Variants in AHCTF1 observed in about 807,000 individuals in gnomAD.
AHCTF1 encodes protein ELYS.
Under a neutral mutation model 248.4 loss-of-function variants are expected in AHCTF1, and 24 were observed. The observed-to-expected ratio is 0.10, with a 90% confidence interval of 0.07 to 0.14. The LOEUF is 0.14. Ranked by LOEUF, AHCTF1 falls within the 10% of genes least tolerant of loss-of-function variation. The pLI is 1.00. For missense variants in AHCTF1, 2,206 were observed against 2,636.2 expected (o/e 0.84, Z 3.57); for synonymous variants, 786 against 929.8 (o/e 0.85, Z 2.81).
intron 5 of AHCTF1, 91 bp downstream of exon 5, chr1:246,907,460 A>T: frequency 8.7e-7 from 1 of 1,149,436 alleles, no homozygotes; most frequent in South Asian, 1.6e-5. Context: ...CCCTTTTCTC[A>T]CTATGCTAAC....
intron 4 of AHCTF1, among the ~76,000 whole-genome samples, chr1:246,908,931 G>C (rs911152618): frequency 1.3e-5 from 2 of 150,554 alleles, no homozygotes; most frequent in African/African-American, 4.9e-5. Context: ...CTTAATGAAT[G>C]AAACAATTAG....
At position 246,842,759 on chromosome 1, in the gene AHCTF1, T is replaced by C. The variant is rs893889902; in HGVS notation, c.6543A>G (p.Ser2181=). 1.9e-6 allele frequency: 3 copies of C among 1,613,532 alleles called. No individual in the cohort carries two copies. The highest frequency in any genetic ancestry group is 1.7e-5 in the Admixed American group (1 of 59,982). ...CTTTTGGCTTTCCCAGAGTTTCTAC[T>C]GATTGTGCATCATCTTTCTATGGGT... The part of the protein sequence containing the change: ...LEDELKDDAQ[S]VETLGKPKAK... The change falls in exon 35 of 36, where the codon TCA becomes TCG. Residue 2181 remains serine (S), a synonymous_variant. Transcript: ENST00000648844.
In AHCTF1 at chr1:246,927,863, C is replaced by T. The variant is rs1348038468; in HGVS notation, c.-8+3715G>A. Among the ~76,000 whole-genome samples, 9 of 140,266 alleles carry T rather than the reference C, an allele frequency of 6.4e-5. 1 individual carries two copies. Among genetic ancestry groups the T allele is most frequent in the African/African-American group, 1.6e-4 (6 of 37,860 alleles). The allele number at this position is 140,266 out of a possible 152,430, so 92.0% of individuals were successfully genotyped here. A position where few individuals can be genotyped will look rare whatever the true frequency, so the allele number is the denominator to read the frequency against. The stretch of plus-strand genomic sequence containing the variant: ...ACTAAAAATACAAAAATTAGCTGGG[C>T]GCGGTAGCGCGCTGTAGTCCCAGCT... On this transcript the variant is annotated intron_variant, in intron 1 of 35. Transcript: ENST00000648844.
At chr1:246,903,188 A>G (rs776540223) in intron 7 of AHCTF1, among the ~76,000 whole-genome samples, 2 of 152,208 alleles carry the variant, frequency 1.3e-5, no homozygotes, top group Admixed American at 6.5e-5. Flanking sequence ...AGTCGGTTCT[A>G]GAGACAGGTA....
chr1:246,890,659 C>G (rs966559553), intron 16 of AHCTF1, among the ~76,000 whole-genome samples: 4 of 152,080 alleles, frequency 2.6e-5, no homozygotes, highest in Non-Finnish European at 5.9e-5. Context: ...TTCTATGGAT[C>G]TAAATAATAG....
At position 246,920,920 on chromosome 1, in the gene AHCTF1, T is replaced by C. The variant is rs201498481; in HGVS notation, c.-7-2543A>G. ...GGCCAACATGGTGAATCCACATCTC[T>C]ACTAATAATACCAAAAAAAAAATCA... On this transcript the variant is annotated intron_variant, in intron 1 of 35. Coordinates refer to ENST00000648844, the MANE Select transcript of AHCTF1 (RefSeq NM_001323342.2). 9.8e-4 allele frequency among the ~76,000 whole-genome samples: 149 copies of C among 151,284 alleles called. 1 individual carries two copies. Among genetic ancestry groups the C allele is most frequent in the Admixed American group, 8.1e-3 (122 of 15,150 alleles).
At chr1:246,871,890 C>A (rs565728376) in intron 24 of AHCTF1, among the ~76,000 whole-genome samples, 1 of 151,936 alleles carries the variant, frequency 6.6e-6, no homozygotes, top group South Asian at 2.1e-4. Flanking sequence ...CCTAAAGACA[C>A]AGCTACTAAA....
intron 33 of AHCTF1, among the ~76,000 whole-genome samples, chr1:246,844,398 G>A (rs2103029721): frequency 1.3e-5 from 2 of 152,264 alleles, no homozygotes; most frequent in Middle Eastern, 3.4e-3. Context: ...ACTTGTTCCA[G>A]CCAAAGGAAC....
chr1:246,850,936 T>C lies in AHCTF1; in HGVS notation c.5070A>G (p.Glu1690=), dbSNP rs1457521050. ...RSKEITSDTM[E]QSIHETIPLV... is the part of the protein sequence containing the mutation. ...AAGGTATTGTTTCATGAATGGACTG[T>C]TCCATTGTATCTGAAGTAATTTCTT... Residue 1690 remains glutamate (E), a synonymous_variant, in exon 33 of 36, where the codon GAA becomes GAG. Transcript: ENST00000648844. The C allele has an allele frequency of 2.5e-6, 4 of 1,613,856 alleles. No homozygotes were observed. In the African/African-American group the frequency reaches 4.0e-5, roughly 16 times the overall value.
intron 13 of AHCTF1, 62 bp from the exon 14 acceptor site, chr1:246,894,810 T>C: frequency 7.0e-7 from 1 of 1,434,748 alleles, no homozygotes; most frequent in Non-Finnish European, 9.7e-7. Flanking sequence ...AGTTCTAAAT[T>C]GTTGGTGGAG....
At chr1:246,845,221 C>CA (rs1660161654) in intron 33 of AHCTF1, among the ~76,000 whole-genome samples, 1 of 151,350 alleles carries the variant, frequency 6.6e-6, no homozygotes, top group South Asian at 2.1e-4. Flanking sequence ...TGTGGGTACA[C>CA]AGTAGGTGTA....
chr1:246,888,359 A>G (rs772291127), intron 18 of AHCTF1, 35 bp downstream of exon 18: 1 of 1,612,680 alleles, frequency 6.2e-7, no homozygotes, highest in South Asian at 1.1e-5. Context: ...CCAGCTTTGT[A>G]GACTCTAAAT....
chr1:246,843,770 AC>A, intron 34 of AHCTF1, 24 bp downstream of exon 34: 1 of 1,353,294 alleles, frequency 7.4e-7, no homozygotes, highest in Non-Finnish European at 9.6e-7. Context: ...TAACAAACAT[AC>A]AAATAAAATC....
At chr1:246,886,004 T>C (rs1443560510) in intron 20 of AHCTF1, among the ~76,000 whole-genome samples, 1 of 151,998 alleles carries the variant, frequency 6.6e-6, no homozygotes, top group African/African-American at 2.4e-5. Context: ...CTGGGCAACA[T>C]GGCAAAACTC....
chr1:246,924,417 T>G lies in AHCTF1; in HGVS notation c.-7-6040A>C, dbSNP rs6694693. Among the ~76,000 whole-genome samples, 850 of 152,282 alleles carry G rather than the reference T, an allele frequency of 5.6e-3. 10 individuals carry two copies. Among genetic ancestry groups the G allele is most frequent in the African/African-American group, 0.02 (816 of 41,568 alleles). On this transcript the variant is annotated intron_variant, in intron 1 of 35. Coordinates refer to ENST00000648844, the MANE Select transcript of AHCTF1 (RefSeq NM_001323342.2). ...TTTTTGTGTGATGCAAATTTGTGATTTGCTCATTTCAGTATGGCTTGGATT... is the reference window on the plus strand; with the variant it reads ...TTTTTGTGTGATGCAAATTTGTGATGTGCTCATTTCAGTATGGCTTGGATT...
At chr1:246,848,338 C>T (rs1332592206) in intron 33 of AHCTF1, among the ~76,000 whole-genome samples, 3 of 151,772 alleles carry the variant, frequency 2.0e-5, no homozygotes, top group East Asian at 2.0e-4. Context: ...CTCAGTCTCC[C>T]GAGTAGCTGG....
At chr1:246,892,283 A>G (rs1363881865) in intron 14 of AHCTF1, among the ~76,000 whole-genome samples, 1 of 150,412 alleles carries the variant, frequency 6.6e-6, no homozygotes, top group Non-Finnish European at 1.5e-5. Context: ...TCTTTAAATC[A>G]AATTCTAATT....
rs1366385338 is a variant in AHCTF1, at chr1:246,839,557, C to T, written c.*1249G>A. 1 of 985,782 alleles carries T rather than the reference C, an allele frequency of 1.0e-6. No homozygotes were observed. 61.1% of individuals were successfully genotyped at this position (985,782 alleles called of 1,614,324 possible). A position where few individuals can be genotyped will look rare whatever the true frequency, so the allele number is the denominator to read the frequency against. ...TGACTAAAAGGCCGCACTCGCACTG[C>T]TTTCACACTGTCAACACTTTGCGTA... On this transcript the variant is annotated 3_prime_UTR_variant, in exon 36 of 36. Coordinates refer to ENST00000648844, the MANE Select transcript of AHCTF1 (RefSeq NM_001323342.2).
chr1:246,866,546 T>C (rs988243811), intron 26 of AHCTF1, among the ~76,000 whole-genome samples: 4 of 152,190 alleles, frequency 2.6e-5, no homozygotes, highest in Non-Finnish European at 5.9e-5. Flanking sequence ...TGACCTTATC[T>C]CAAGTATCTT....
Sources: allele counts gnomAD v4.1 joint callset (sites outside exome capture counted in the v4.1 genomes callset), GRCh38; gene constraint gnomAD v4.1.1; transcripts MANE v1.5; gene names NCBI Gene and HGNC (gene_info 2026-07-23, HGNC 2026-07-21).